Variants in ZBTB8A observed in about 807,000 individuals in gnomAD.
ZBTB8A encodes zinc finger and BTB domain-containing protein 8A.
Under a neutral mutation model 37.8 loss-of-function variants are expected in ZBTB8A, and 19 were observed. The ratio of observed to expected loss-of-function variants is 0.50; its 90% CI spans 0.35 to 0.74. The LOEUF (loss-of-function observed/expected upper bound fraction) is 0.74, where lower values mean the gene tolerates loss of function less well. Among genes scored for constraint, ZBTB8A ranks in the 30% least tolerant of loss-of-function variants. The pLI is 0.01. For synonymous variants in ZBTB8A, 181 were observed against 185.2 expected (o/e 0.98, Z 0.19); for missense variants, 394 against 537.8 (o/e 0.73, Z 2.65).
chr1:32,596,892 G>C (rs937537276), intron 4 of ZBTB8A, among the ~76,000 whole-genome samples: 14 of 152,136 alleles, frequency 9.2e-5, no homozygotes, highest in African/African-American at 3.1e-4. Flanking sequence ...GTCTAGGTCA[G>C]AATCACCACT....
intron 1 of ZBTB8A, among the ~76,000 whole-genome samples, chr1:32,546,055 C>G (rs904365253): frequency 1.3e-5 from 2 of 152,120 alleles, no homozygotes; most frequent in African/African-American, 4.8e-5. Flanking sequence ...TTCTCAGGAC[C>G]AGGTATAGTC....
At chr1:32,584,508 CT>C (rs1177778440) in intron 2 of ZBTB8A, among the ~76,000 whole-genome samples, 1,316 of 117,860 alleles carry the variant, frequency 0.011, 21 homozygotes, top group Admixed American at 0.057. Context: ...TTCTTTCTTT[CT>C]TTTTTTTTTT....
chr1:32,584,543 T>G (rs1342248704), intron 2 of ZBTB8A, among the ~76,000 whole-genome samples: 1 of 147,490 alleles, frequency 6.8e-6, no homozygotes, highest in Non-Finnish European at 1.5e-5. Context: ...ATAGAGTCTG[T>G]CATTGTTGCC....
chr1:32,584,721 T>C (rs1644433438), intron 2 of ZBTB8A, among the ~76,000 whole-genome samples: 1 of 151,830 alleles, frequency 6.6e-6, no homozygotes, highest in East Asian at 1.9e-4. Flanking sequence ...GATCTCACTT[T>C]GTTGCCTAGG....
intron 2 of ZBTB8A, among the ~76,000 whole-genome samples, chr1:32,554,077 A>C (rs1040727404): frequency 1.3e-5 from 2 of 150,380 alleles, no homozygotes; most frequent in African/African-American, 4.9e-5. Context: ...CTGGGCGCCT[A>C]TAATCCCAGG....
At position 32,602,155 on chromosome 1, in the gene ZBTB8A, C is replaced by T. The variant is rs1644580660; in HGVS notation, c.*1736C>T. The T allele has an allele frequency of 1.3e-5, 2 of 151,854 alleles. No homozygotes were observed. Among genetic ancestry groups the T allele is most frequent in the African/African-American group, 4.8e-5 (2 of 41,260 alleles). The allele number at this position is 151,854 out of a possible 1,614,324, so 9.4% of individuals were successfully genotyped here. A position where few individuals can be genotyped will look rare whatever the true frequency, so the allele number is the denominator to read the frequency against. On this transcript the variant is annotated 3_prime_UTR_variant, in exon 5 of 5. Coordinates refer to ENST00000373510, the MANE Select transcript of ZBTB8A (RefSeq NM_001040441.3). ...ACCAGCCTGACCAACATGGAGAAAC[C>T]CCGTCTCTACTAAAAATACAAAATT...
intron 1 of ZBTB8A, among the ~76,000 whole-genome samples, chr1:32,548,930 T>C (rs957745767): frequency 3.9e-5 from 6 of 152,266 alleles, no homozygotes; most frequent in Admixed American, 1.3e-4. Context: ...CCGTGGCTCA[T>C]GCCTGTAATC....
At chr1:32,567,741 G>A (rs1371777213) in intron 2 of ZBTB8A, among the ~76,000 whole-genome samples, 10 of 125,586 alleles carry the variant, frequency 8.0e-5, no homozygotes, top group South Asian at 2.8e-4. Flanking sequence ...GCAGTGAGCC[G>A]AGATTGCGCC....
At position 32,601,809 on chromosome 1, in the gene ZBTB8A, C is replaced by A; in HGVS notation, c.*1390C>A. 2 of 396,894 alleles carry A rather than the reference C, an allele frequency of 5.0e-6. No individual in the cohort carries two copies. The highest frequency in any genetic ancestry group is 2.8e-4 in the South Asian group (2 of 7,254). The allele number at this position is 396,894 out of a possible 1,614,324, so 24.6% of individuals were successfully genotyped here. A position where few individuals can be genotyped will look rare whatever the true frequency, so the allele number is the denominator to read the frequency against. ...GAAAGTATGAAAGGAGGAATTGAAT[C>A]ATTTTCAACAACATACAATATCTTG... On this transcript the variant is annotated 3_prime_UTR_variant, in exon 5 of 5. Coordinates refer to ENST00000373510, the MANE Select transcript of ZBTB8A (RefSeq NM_001040441.3).
At chr1:32,550,944 C>T (rs1337857090) in intron 1 of ZBTB8A, among the ~76,000 whole-genome samples, 7 of 142,394 alleles carry the variant, frequency 4.9e-5, no homozygotes, top group African/African-American at 1.3e-4. Flanking sequence ...GCAACAGGAG[C>T]GAGACTCCGT....
chr1:32,542,154 GTTCT>G (rs1371086410), intron 1 of ZBTB8A, among the ~76,000 whole-genome samples: 1 of 152,198 alleles, frequency 6.6e-6, no homozygotes, highest in Non-Finnish European at 1.5e-5. Context: ...GTTAGCTGAA[GTTCT>G]TTATGACTCA....
rs190629428 is a variant in ZBTB8A at position 32,601,469 on chromosome 1, C to A, written c.*1050C>A. ...AGCCTGGGCAACAAGAGCGAAACTCCGTCTCAAAAAAAAAAGGAAAACAAA... is the reference window on the plus strand; with the variant it reads ...AGCCTGGGCAACAAGAGCGAAACTCAGTCTCAAAAAAAAAAGGAAAACAAA... On this transcript the variant is annotated 3_prime_UTR_variant, in exon 5 of 5. Coordinates refer to ENST00000373510, the MANE Select transcript of ZBTB8A (RefSeq NM_001040441.3). 1,706 of 389,200 alleles carry A rather than the reference C, an allele frequency of 4.4e-3. 9 individuals carry two copies. The highest frequency in any genetic ancestry group is 5.1e-3 in the South Asian group (36 of 7,070). 24.1% of individuals were successfully genotyped at this position (389,200 alleles called of 1,614,324 possible). A position where few individuals can be genotyped will look rare whatever the true frequency, so the allele number is the denominator to read the frequency against.
intron 3 of ZBTB8A, 91 bp from the exon 4 acceptor site, chr1:32,594,963 T>C (rs1570371098): frequency 1.6e-6 from 2 of 1,216,606 alleles, no homozygotes; most frequent in Non-Finnish European, 2.2e-6. Flanking sequence ...TTTTTTTCTT[T>C]CCTTGTTTCC....
intron 2 of ZBTB8A, among the ~76,000 whole-genome samples, chr1:32,590,959 TCTCAA>T: frequency 6.6e-6 from 1 of 151,782 alleles, no homozygotes; most frequent in Non-Finnish European, 1.5e-5. Flanking sequence ...AGTGGTGCAA[TCTCAA>T]CTCGCTGCAA....
chr1:32,590,030 G>A (rs1446338666), intron 2 of ZBTB8A, among the ~76,000 whole-genome samples: 1 of 151,968 alleles, frequency 6.6e-6, no homozygotes, highest in Non-Finnish European at 1.5e-5. Context: ...TCTGCAAGGT[G>A]CCCTGAAGGC....
chr1:32,545,146 A>G (rs1035559442), intron 1 of ZBTB8A, among the ~76,000 whole-genome samples: 1 of 152,132 alleles, frequency 6.6e-6, no homozygotes, highest in Non-Finnish European at 1.5e-5. Flanking sequence ...TTACTTATCT[A>G]TACTCTGGCC....
In ZBTB8A at chr1:32,544,345, A is replaced by G. The variant is rs1442071563; in HGVS notation, c.-84+4773A>G. Reference sequence around the variant, plus strand: ...TGGCTCCTAGGCTACAATCCTGTATAGCATAATACTATAGGCATTTGTAAA... The same window carrying G: ...TGGCTCCTAGGCTACAATCCTGTATGGCATAATACTATAGGCATTTGTAAA... On this transcript the variant is annotated intron_variant, in intron 1 of 4. Transcript: ENST00000373510. Among the ~76,000 whole-genome samples the G allele has an allele frequency of 3.3e-5, 5 of 152,258 alleles. 1 individual carries two copies. The highest frequency in any genetic ancestry group is 3.3e-4 in the Admixed American group (5 of 15,290).
chr1:32,560,219 G>A (rs958919573), intron 2 of ZBTB8A, among the ~76,000 whole-genome samples: 1 of 152,056 alleles, frequency 6.6e-6, no homozygotes, highest in African/African-American at 2.4e-5. Context: ...TGGTCCAATC[G>A]CCTCACATTA....
chr1:32,570,656 T>G (rs903764348), intron 2 of ZBTB8A, among the ~76,000 whole-genome samples: 3 of 152,220 alleles, frequency 2.0e-5, no homozygotes, highest in African/African-American at 7.2e-5. Flanking sequence ...GCATTTTTGG[T>G]GCTCTTACGA....
Sources: allele counts gnomAD v4.1 joint callset (sites outside exome capture counted in the v4.1 genomes callset), GRCh38; gene constraint gnomAD v4.1.1; transcripts MANE v1.5; gene names NCBI Gene and HGNC (gene_info 2026-07-23, HGNC 2026-07-21).